FGD4: variants seen among roughly 807,000 people sequenced by gnomAD.
FGD4 encodes the protein FYVE, RhoGEF and PH domain-containing protein 4.
A neutral mutation model predicts 102.0 loss-of-function variants in FGD4; 42 were observed. The observed-to-expected ratio is 0.41, with a 90% CI of 0.32 to 0.53. FGD4 has a LOEUF of 0.53. FGD4 is among the 20% of genes least tolerant of loss of function. The probability of loss-of-function intolerance (pLI) is 0.21; values close to 1 mark genes in which losing one functional copy is unlikely to be tolerated. For synonymous variants in FGD4, 380 were observed against 375.7 expected (o/e 1.01, Z -0.13); for missense variants, 902 against 1,078.2 (o/e 0.84, Z 2.29).
chr12:32,582,643 T>C (rs927744172), intron 4 of FGD4, 176 bp downstream of exon 4: 3 of 753,792 alleles, frequency 4.0e-6, no homozygotes, highest in Non-Finnish European at 4.2e-6. Context: ...TAAGCAGATA[T>C]TTCACTTTTT....
At chr12:32,408,863 C>T (rs184440461) in intron 1 of FGD4, among the ~76,000 whole-genome samples, 35 of 152,208 alleles carry the variant, frequency 2.3e-4, no homozygotes, top group African/African-American at 7.9e-4. Flanking sequence ...GATTTTCCTA[C>T]CTCATTGGTT....
chr12:32,599,477 A>G (rs1948186231), intron 5 of FGD4, among the ~76,000 whole-genome samples: 1 of 107,472 alleles, frequency 9.3e-6, no homozygotes. Context: ...CCTGGGTGAC[A>G]GAGCGAGACT....
At chr12:32,595,093 A>T (rs1412184615) in intron 4 of FGD4, among the ~76,000 whole-genome samples, 1 of 151,894 alleles carries the variant, frequency 6.6e-6, no homozygotes, top group Admixed American at 6.6e-5. Flanking sequence ...GATGCAGGGG[A>T]ATATTTCCTG....
chr12:32,587,324 C>CT (rs895541985), intron 4 of FGD4, among the ~76,000 whole-genome samples: 1 of 151,860 alleles, frequency 6.6e-6, no homozygotes, highest in African/African-American at 2.4e-5. Context: ...TGACACATCA[C>CT]TTTTTTTGTA....
At chr12:32,584,939 C>T (rs1946881825) in intron 4 of FGD4, among the ~76,000 whole-genome samples, 2 of 151,968 alleles carry the variant, frequency 1.3e-5, no homozygotes. Context: ...AGGAGAGCAG[C>T]CGGGTGCGGT....
intron 4 of FGD4, among the ~76,000 whole-genome samples, chr12:32,597,376 T>C (rs562499513): frequency 2.2e-4 from 33 of 152,284 alleles, no homozygotes; most frequent in African/African-American, 7.9e-4. Flanking sequence ...GATGCCATGG[T>C]AGAGAAATAA....
chr12:32,480,461 C>T (rs73090189), intron 1 of FGD4, among the ~76,000 whole-genome samples: 35,496 of 151,618 alleles, frequency 0.23, 4,510 homozygotes, highest in Non-Finnish European at 0.28. Flanking sequence ...AACGCCCAAC[C>T]TGTTTGTTTT....
At chr12:32,438,824 G>C (rs1006758351) in intron 1 of FGD4, among the ~76,000 whole-genome samples, 1 of 151,756 alleles carries the variant, frequency 6.6e-6, no homozygotes. Flanking sequence ...TAGCCAGGAT[G>C]GTCTCGATCT....
rs570615785 is a variant in FGD4, at chr12:32,423,508, C to T, written c.166+23549C>T. ...TTGGGAGGCCGAGGCAGGAGAATTG[C>T]TTGAACCCGGGAGGCGAAGCTTGCA... On this transcript the variant is annotated intron_variant, in intron 1 of 16. Coordinates refer to ENST00000534526, the MANE Select transcript of FGD4 (RefSeq NM_001370298.3). Among the ~76,000 whole-genome samples, 35 of 149,690 alleles carry T rather than the reference C, an allele frequency of 2.3e-4. 1 individual carries two copies. The highest frequency in any genetic ancestry group is 6.9e-3 in the Middle Eastern group (2 of 288).
In FGD4 at chr12:32,645,510, G is replaced by C. The variant is rs575914495; in HGVS notation, c.*4977G>C. ...AAAATAAAACAAAATAAGTGTATCTGGGCCAGGCACGGTAGCCCATGCCTG... is the reference window on the plus strand; with the variant it reads ...AAAATAAAACAAAATAAGTGTATCTCGGCCAGGCACGGTAGCCCATGCCTG... On this transcript the variant is annotated 3_prime_UTR_variant, in exon 17 of 17. Coordinates refer to ENST00000534526, the MANE Select transcript of FGD4 (RefSeq NM_001370298.3). The C allele has an allele frequency of 8.5e-5, 13 of 152,192 alleles. No homozygotes were observed. The highest frequency in any genetic ancestry group is 2.0e-4 in the Admixed American group (3 of 15,264). The allele number at this position is 152,192 out of a possible 1,614,324, so 9.4% of individuals were successfully genotyped here.
chr12:32,582,009 A>C lies in FGD4; in HGVS notation c.553A>C (p.Asn185His). Residue 185 changes from asparagine (N) to histidine (H), a missense_variant, in exon 4 of 17, where the codon AAT becomes CAT. Coordinates refer to ENST00000534526, the MANE Select transcript of FGD4 (RefSeq NM_001370298.3). ...GAAGAAAGAGTCTGCTGTGAACCTA[A>C]ATGCTCCTAGAACCCCAGGAAGGCA... Reference protein sequence around the residue: ...DLKKESAVNLNAPRTPGRHGL... With the variant: ...DLKKESAVNLHAPRTPGRHGL... 1 of 1,614,186 alleles carries C rather than the reference A, an allele frequency of 6.2e-7. No homozygotes were observed. The highest frequency in any genetic ancestry group is 8.5e-7 in the Non-Finnish European group (1 of 1,180,030).
At chr12:32,473,383 T>C (rs1943483845) in intron 1 of FGD4, among the ~76,000 whole-genome samples, 1 of 152,112 alleles carries the variant, frequency 6.6e-6, no homozygotes, top group Admixed American at 6.5e-5. Flanking sequence ...GCTTCACTCC[T>C]GAGTCCAGCG....
At chr12:32,425,712 T>C (rs1470992498) in intron 1 of FGD4, among the ~76,000 whole-genome samples, 1 of 152,242 alleles carries the variant, frequency 6.6e-6, no homozygotes, top group Non-Finnish European at 1.5e-5. Flanking sequence ...GAGAATGGAA[T>C]GTTTTTCCAT....
At chr12:32,431,083 T>G (rs1942026783) in intron 1 of FGD4, among the ~76,000 whole-genome samples, 1 of 152,230 alleles carries the variant, frequency 6.6e-6, no homozygotes, top group African/African-American at 2.4e-5. Flanking sequence ...ACCTGGGAGA[T>G]TCTCTGTAGC....
chr12:32,428,397 C>G (rs1001848272), intron 1 of FGD4, among the ~76,000 whole-genome samples: 1 of 152,168 alleles, frequency 6.6e-6, no homozygotes, highest in African/African-American at 2.4e-5. Flanking sequence ...GGTCCCCACT[C>G]TTCTTCTGGC....
intron 1 of FGD4, among the ~76,000 whole-genome samples, chr12:32,558,093 CAT>C (rs1944262293): frequency 6.6e-6 from 1 of 152,126 alleles, no homozygotes; most frequent in African/African-American, 2.4e-5. Flanking sequence ...ACCACAGTCT[CAT>C]AATGAGAAAA....
At chr12:32,442,048 T>G (rs921899077) in intron 1 of FGD4, among the ~76,000 whole-genome samples, 3 of 139,240 alleles carry the variant, frequency 2.2e-5, no homozygotes, top group South Asian at 2.1e-4. Flanking sequence ...GTTGTGTTTT[T>G]TTTTTTTTTT....
At chr12:32,470,031 A>G (rs541138682) in intron 1 of FGD4, among the ~76,000 whole-genome samples, 1 of 152,150 alleles carries the variant, frequency 6.6e-6, no homozygotes, top group Non-Finnish European at 1.5e-5. Flanking sequence ...CCTGAAAGTC[A>G]CCATTTTTAG....
chr12:32,639,292 T>C (rs543257588), intron 16 of FGD4, among the ~76,000 whole-genome samples: 4 of 152,106 alleles, frequency 2.6e-5, no homozygotes, highest in Admixed American at 6.5e-5. Context: ...GCCTCCCGAG[T>C]AGCTGGGATT....
Sources: gnomAD v4.1 joint callset for allele counts (sites outside exome capture counted in the v4.1 genomes callset) on GRCh38, gnomAD v4.1.1 for gene constraint, MANE v1.5 for transcripts, NCBI Gene and HGNC (gene_info 2026-07-23, HGNC 2026-07-21) for gene names.